Variants in AFF1 observed in about 807,000 individuals in gnomAD.
AFF1 encodes ALF transcription elongation factor 1.
In AFF1, 48 loss-of-function variants were observed where a neutral mutation model predicts 121.7. The ratio of observed to expected loss-of-function variants is 0.39; its 90% CI spans 0.31 to 0.50. The LOEUF (loss-of-function observed/expected upper bound fraction) is 0.50, where lower values mean the gene tolerates loss of function less well. Among genes scored for constraint, AFF1 ranks in the 20% least tolerant of loss-of-function variants. The probability of loss-of-function intolerance (pLI) is 0.76; values close to 1 mark genes in which losing one functional copy is unlikely to be tolerated. For missense variants in AFF1, 1,523 were observed against 1,511.7 expected, an observed-to-expected ratio of 1.01 and a Z score of -0.12; for synonymous variants, 613 against 563.0, an observed-to-expected ratio of 1.09 and a Z score of -1.26.
At chr4:86,972,275 T>C (rs1466575506) in intron 2 of AFF1, among the ~76,000 whole-genome samples, 1 of 151,584 alleles carries the variant, frequency 6.6e-6, no homozygotes, top group African/African-American at 2.4e-5. Flanking sequence ...CTGTTATAGC[T>C]GAGGTTAAAG....
At chr4:87,045,875 A>G (rs1217854290) in intron 2 of AFF1, among the ~76,000 whole-genome samples, 2 of 152,154 alleles carry the variant, frequency 1.3e-5, no homozygotes. Context: ...ACTGCTGCCT[A>G]TAAAAGGCTG....
intron 11 of AFF1, 29 bp downstream of exon 11, chr4:87,108,344 C>T (rs756256283): frequency 6.2e-7 from 1 of 1,605,746 alleles, no homozygotes; most frequent in South Asian, 1.1e-5. Context: ...AGATGGCCAC[C>T]TTAGATGGCA....
At chr4:86,951,900 C>T (rs1721373672) in intron 2 of AFF1, among the ~76,000 whole-genome samples, 1 of 151,260 alleles carries the variant, frequency 6.6e-6, no homozygotes, top group African/African-American at 2.4e-5. Flanking sequence ...AGGCGTGGGC[C>T]ACCACATCTG....
chr4:87,000,942 T>C (rs368944688), intron 2 of AFF1, among the ~76,000 whole-genome samples: 4 of 152,334 alleles, frequency 2.6e-5, no homozygotes, highest in Admixed American at 2.0e-4. Context: ...AGATTTATTT[T>C]ATTAGAGAAA....
intron 5 of AFF1, among the ~76,000 whole-genome samples, chr4:87,088,972 C>T (rs192447046): frequency 0.01 from 1,580 of 152,044 alleles, 80 homozygotes; most frequent in Admixed American, 0.093. Flanking sequence ...CTTGAACTCC[C>T]GATCTCAGGT....
intron 2 of AFF1, among the ~76,000 whole-genome samples, chr4:86,998,176 C>T (rs1725389488): frequency 6.8e-6 from 1 of 147,222 alleles, no homozygotes; most frequent in Admixed American, 6.8e-5. Flanking sequence ...AGAAGTAGAA[C>T]CAATGGAACA....
Position 87,115,625 on chromosome 4 carries a change from T to TTTTTTTGTTTTTTTTC in AFF1, c.2466+326_2466+327insTTTTTTGTTTTTTTTC, listed in dbSNP as rs397994396. Reference sequence around the variant, plus strand: ...AACCCACCTCTTTTTTTTTTTTTTTTCCAAAGACAGGCCCTTGCTCTGTTG... The same window carrying TTTTTTTGTTTTTTTTC: ...AACCCACCTCTTTTTTTTTTTTTTTTTTTTTTGTTTTTTTTCCCAAAGACAGGCCCTTGCTCTGTTG... On this transcript the variant is annotated intron_variant, in intron 12 of 20. Transcript: ENST00000395146. Among the ~76,000 whole-genome samples, 205 of 103,016 alleles carry TTTTTTTGTTTTTTTTC rather than the reference T, an allele frequency of 2.0e-3. 4 individuals are homozygous for TTTTTTTGTTTTTTTTC. Among genetic ancestry groups the TTTTTTTGTTTTTTTTC allele is most frequent in the Middle Eastern group, 6.7e-3 (1 of 150 alleles). 67.6% of individuals were successfully genotyped at this position (103,016 alleles called of 152,430 possible). A position where few individuals can be genotyped will look rare whatever the true frequency, so the allele number is the denominator to read the frequency against.
At position 87,135,527 on chromosome 4, in the gene AFF1, T is replaced by G. The variant is rs55713515; in HGVS notation, c.3536-53T>G. ...TGAATTTTTGTTTCCATTTTAATTT[T>G]TGTGTGTGCTTGTGTATTTACTTGT... is the stretch of plus-strand genomic sequence containing the variant. On this transcript the variant is annotated intron_variant, in intron 20 of 20. Transcript: ENST00000395146. 8.9e-3 allele frequency: 12,888 copies of G among 1,454,620 alleles called. 974 individuals carry two copies. In the African/African-American group the frequency reaches 0.16, roughly 18 times the overall value. The allele number at this position is 1,454,620 out of a possible 1,614,324, so 90.1% of individuals were successfully genotyped here.
intron 2 of AFF1, among the ~76,000 whole-genome samples, chr4:86,956,344 ATTAG>A (rs1476156337): frequency 6.6e-6 from 1 of 152,212 alleles, no homozygotes; most frequent in Non-Finnish European, 1.5e-5. Context: ...TTTTTTTGGA[ATTAG>A]TTATTTCCCA....
At chr4:86,950,333 G>A (rs1032600913) in intron 2 of AFF1, among the ~76,000 whole-genome samples, 4 of 152,058 alleles carry the variant, frequency 2.6e-5, no homozygotes, top group African/African-American at 7.2e-5. Flanking sequence ...CGCATGCCCC[G>A]ACACCTGGCT....
chr4:87,059,336 TC>T (rs1720490248), intron 4 of AFF1, among the ~76,000 whole-genome samples: 1 of 152,226 alleles, frequency 6.6e-6, no homozygotes. Context: ...CAGAATGTTC[TC>T]CTTCCTCCTG....
Position 87,132,252 on chromosome 4 carries a change from C to T in AFF1, c.3174-19C>T. 6.2e-7 allele frequency: 1 copy of T among 1,606,126 alleles called. No individual in the cohort carries two copies. Among genetic ancestry groups the T allele is most frequent in the African/African-American group, 1.3e-5 (1 of 74,690 alleles). On this transcript the variant is annotated intron_variant, in intron 18 of 20. Transcript: ENST00000395146. ...AGTATGATAGTCACGTGCAGTTTCA[C>T]TTCTGTCTTTGTTCATAGCATGCGT...
At chr4:87,046,558 G>A (rs1730711852) in intron 3 of AFF1, 137 bp from the exon 4 acceptor site, 2 of 1,029,416 alleles carry the variant, frequency 1.9e-6, no homozygotes, top group East Asian at 5.1e-5. Context: ...GGGGAATTGA[G>A]TTAAAATGGC....
chr4:87,049,092 A>T (rs1731008544), intron 4 of AFF1, among the ~76,000 whole-genome samples: 1 of 70,544 alleles, frequency 1.4e-5, no homozygotes, highest in African/African-American at 5.5e-5. Context: ...AAAAAAAAAA[A>T]AAAGGGGGGG....
chr4:87,077,943 G>A (rs1722834925), intron 4 of AFF1, among the ~76,000 whole-genome samples: 1 of 152,164 alleles, frequency 6.6e-6, no homozygotes, highest in Admixed American at 6.5e-5. Context: ...CTAGGCTGAA[G>A]TGAATAACTT....
chr4:87,072,037 G>A (rs551536987), intron 4 of AFF1, among the ~76,000 whole-genome samples: 1 of 152,238 alleles, frequency 6.6e-6, no homozygotes, highest in African/African-American at 2.4e-5. Flanking sequence ...AATAAATTGA[G>A]ATGGAGAGAA....
intron 2 of AFF1, among the ~76,000 whole-genome samples, chr4:87,045,342 G>A (rs1730569454): frequency 6.6e-6 from 1 of 151,914 alleles, no homozygotes; most frequent in South Asian, 2.1e-4. Flanking sequence ...TGTGAGGGCT[G>A]GGAAGTGACC....
intron 4 of AFF1, among the ~76,000 whole-genome samples, chr4:87,062,633 T>G (rs564366123): frequency 3.3e-5 from 5 of 152,336 alleles, no homozygotes; most frequent in South Asian, 4.1e-4. Context: ...TATTTTAAAT[T>G]ACTTATTTTT....
At chr4:87,126,822 G>A (rs919394541) in intron 14 of AFF1, among the ~76,000 whole-genome samples, 1 of 152,146 alleles carries the variant, frequency 6.6e-6, no homozygotes, top group African/African-American at 2.4e-5. Context: ...GGACATTCTA[G>A]TCTTTTTGAG....
Sources: allele counts gnomAD v4.1 joint callset (sites outside exome capture counted in the v4.1 genomes callset), GRCh38; gene constraint gnomAD v4.1.1; transcripts MANE v1.5; gene names NCBI Gene and HGNC (gene_info 2026-07-23, HGNC 2026-07-21).